Variants in PKNOX2 observed in about 807,000 individuals in gnomAD.
PKNOX2 encodes PBX/knotted 1 homeobox 2.
Under a neutral mutation model 53.1 loss-of-function variants are expected in PKNOX2, and 14 were observed. That is an observed-to-expected ratio of 0.26 (90% CI 0.17 to 0.41). PKNOX2 has a LOEUF of 0.41. Among genes scored for constraint, PKNOX2 ranks in the 10% least tolerant of loss-of-function variants. The probability of loss-of-function intolerance (pLI) is 1.00; values close to 1 mark genes in which losing one functional copy is unlikely to be tolerated. For synonymous variants in PKNOX2, 257 were observed against 242.8 expected, an observed-to-expected ratio of 1.06 and a Z score of -0.54; for missense variants, 496 against 602.8, an observed-to-expected ratio of 0.82 and a Z score of 1.85.
chr11:125,189,371 A>ATG (rs1162103387), intron 1 of PKNOX2, among the ~76,000 whole-genome samples: 1 of 79,674 alleles, frequency 1.3e-5, no homozygotes, highest in African/African-American at 5.0e-5. Flanking sequence ...ATATATATGT[A>ATG]TATATATATA....
chr11:125,262,851 A>C, intron 2 of PKNOX2, among the ~76,000 whole-genome samples: 2 of 149,186 alleles, frequency 1.3e-5, no homozygotes, highest in South Asian at 2.2e-4. Flanking sequence ...CTGCTCCTCT[A>C]CTCACGTACC....
At chr11:125,333,008 C>G (rs67026920) in intron 3 of PKNOX2, among the ~76,000 whole-genome samples, 18,611 of 152,032 alleles carry the variant, frequency 0.12, 2,033 homozygotes, top group African/African-American at 0.29. Context: ...AAGCTGAGGG[C>G]AAGGTATCTA....
chr11:125,193,727 C>A (rs1426550855), intron 1 of PKNOX2, among the ~76,000 whole-genome samples: 2 of 152,186 alleles, frequency 1.3e-5, no homozygotes, highest in South Asian at 2.1e-4. Flanking sequence ...TCATGTGAAC[C>A]AAGACCCAGT....
At chr11:125,409,350 G>T (rs965265852) in intron 7 of PKNOX2, among the ~76,000 whole-genome samples, 1 of 152,152 alleles carries the variant, frequency 6.6e-6, no homozygotes, top group East Asian at 1.9e-4. Flanking sequence ...CTGGGCTAAC[G>T]CAAAGAAAAG....
chr11:125,201,017 A>T (rs900745080), intron 1 of PKNOX2, among the ~76,000 whole-genome samples: 1 of 152,124 alleles, frequency 6.6e-6, no homozygotes, highest in Non-Finnish European at 1.5e-5. Flanking sequence ...CTTGATGGGG[A>T]TCCCTTAATG....
At chr11:125,277,387 C>G (rs996453622) in intron 2 of PKNOX2, among the ~76,000 whole-genome samples, 9 of 152,120 alleles carry the variant, frequency 5.9e-5, no homozygotes, top group African/African-American at 2.2e-4. Context: ...GTCAGCAACC[C>G]AAATGCTAAA....
intron 5 of PKNOX2, among the ~76,000 whole-genome samples, chr11:125,383,833 G>A (rs1294915552): frequency 1.3e-5 from 2 of 152,180 alleles, no homozygotes; most frequent in African/African-American, 2.4e-5. Context: ...AAGTTCTGTT[G>A]CACAGCACTG....
chr11:125,370,189 G>A lies in PKNOX2; in HGVS notation c.227+2204G>A, dbSNP rs546176733. ...TAGCCTCTCTGAGCTTTCATGTCCC[G>A]ATGGAACCTAAGCAGCAGACTTGAT... On this transcript the variant is annotated intron_variant, in intron 5 of 12. Transcript: ENST00000298282. The surrounding 1 kb of genome is among the most constrained non-coding windows in gnomAD (Gnocchi z 4.1). Among the ~76,000 whole-genome samples the A allele has an allele frequency of 2.3e-4, 35 of 152,236 alleles. No individual in the cohort carries two copies. Among genetic ancestry groups the A allele is most frequent in the Middle Eastern group, 3.4e-3 (1 of 294 alleles).
chr11:125,312,872 G>A (rs1948904582), intron 2 of PKNOX2, among the ~76,000 whole-genome samples: 1 of 152,214 alleles, frequency 6.6e-6, no homozygotes, highest in Non-Finnish European at 1.5e-5. Context: ...TTAGGAATAT[G>A]CAGTGGCACA....
At chr11:125,324,397 C>T (rs1949714039) in intron 2 of PKNOX2, among the ~76,000 whole-genome samples, 1 of 152,154 alleles carries the variant, frequency 6.6e-6, no homozygotes. Context: ...CTCCACATGT[C>T]CTCTGCTGAA....
chr11:125,430,991 C>T (rs1654157083), intron 12 of PKNOX2, among the ~76,000 whole-genome samples, 175 bp from the exon 13 acceptor site: 1 of 152,202 alleles, frequency 6.6e-6, no homozygotes, highest in Admixed American at 6.5e-5. Flanking sequence ...GAGTAGCTGA[C>T]TAGTGAATGG....
intron 2 of PKNOX2, among the ~76,000 whole-genome samples, chr11:125,323,417 G>A (rs1408928336): frequency 1.3e-5 from 2 of 152,176 alleles, no homozygotes; most frequent in African/African-American, 4.8e-5. Context: ...CTTCCTTGTT[G>A]CCTTCCTTTG....
At chr11:125,396,763 A>T (rs1290404314) in intron 6 of PKNOX2, among the ~76,000 whole-genome samples, 1 of 152,188 alleles carries the variant, frequency 6.6e-6, no homozygotes, top group East Asian at 1.9e-4. Flanking sequence ...CATTCAGCAA[A>T]TGTTTACTCC....
chr11:125,181,948 G>T (rs968974196), intron 1 of PKNOX2, among the ~76,000 whole-genome samples: 2 of 152,258 alleles, frequency 1.3e-5, no homozygotes, highest in Non-Finnish European at 2.9e-5. Flanking sequence ...ACCCAGACTG[G>T]CTACCCTCAG....
rs562116529 is a variant in PKNOX2 at position 125,364,452 on chromosome 11, C to T, written c.88-3394C>T. Among the ~76,000 whole-genome samples the T allele has an allele frequency of 8.5e-5, 13 of 152,266 alleles. No individual in the cohort carries two copies. The East Asian group carries it at 2.5e-3, about 29-fold the overall frequency. ...ATTCTGAGCTTCCCTCCAGGGCCTT[C>T]CCCCCACACCTTTCCCCAAAGTCCT... On this transcript the variant is annotated intron_variant, in intron 4 of 12. Transcript: ENST00000298282.
intron 1 of PKNOX2, among the ~76,000 whole-genome samples, chr11:125,181,483 C>T (rs1441322717): frequency 6.6e-6 from 1 of 152,090 alleles, no homozygotes; most frequent in African/African-American, 2.4e-5. Context: ...TAGAAGGGAA[C>T]AGTGGTTAGG....
chr11:125,386,392 T>A (rs1387155083), intron 6 of PKNOX2, among the ~76,000 whole-genome samples: 1 of 152,214 alleles, frequency 6.6e-6, no homozygotes, highest in African/African-American at 2.4e-5. Flanking sequence ...GCAATTGTCA[T>A]TAGGTTTGGT....
chr11:125,193,465 T>C (rs1008826863), intron 1 of PKNOX2, among the ~76,000 whole-genome samples: 2 of 152,220 alleles, frequency 1.3e-5, no homozygotes, highest in African/African-American at 4.8e-5. Flanking sequence ...AAGCGAGCCT[T>C]CTGTCCGTGC....
intron 2 of PKNOX2, among the ~76,000 whole-genome samples, chr11:125,251,635 C>T (rs1944006443): frequency 6.6e-6 from 1 of 151,794 alleles, no homozygotes; most frequent in Non-Finnish European, 1.5e-5. Context: ...TGCAGGGGAG[C>T]AAGAGGGGAA....
Sources: allele counts gnomAD v4.1 joint callset (sites outside exome capture counted in the v4.1 genomes callset), GRCh38; gene constraint gnomAD v4.1.1; non-coding constraint Gnocchi (gnomAD v3.1); transcripts MANE v1.5; gene names NCBI Gene and HGNC (gene_info 2026-07-23, HGNC 2026-07-21).